NMNAT2: variants seen among roughly 807,000 people sequenced by gnomAD.
NMNAT2 encodes nicotinamide nucleotide adenylyltransferase 2, also known as nicotinamide/nicotinic acid mononucleotide adenylyltransferase 2.
A neutral mutation model predicts 41.6 loss-of-function variants in NMNAT2; 11 were observed. That is an observed-to-expected ratio of 0.26 (90% confidence interval 0.17 to 0.44). The LOEUF (loss-of-function observed/expected upper bound fraction) is 0.44, where lower values mean the gene tolerates loss of function less well. NMNAT2 is among the 20% of genes least tolerant of loss of function. The probability of loss-of-function intolerance (pLI) is 1.00; values close to 1 mark genes in which losing one functional copy is unlikely to be tolerated. For synonymous variants in NMNAT2, 148 were observed against 151.2 expected, an observed-to-expected ratio of 0.98 and a Z score of 0.16; for missense variants, 288 against 407.7, an observed-to-expected ratio of 0.71 and a Z score of 2.53.
At chr1:183,359,984 A>G (rs1047121686) in intron 1 of NMNAT2, among the ~76,000 whole-genome samples, 1 of 152,168 alleles carries the variant, frequency 6.6e-6, no homozygotes, top group Non-Finnish European at 1.5e-5. Flanking sequence ...AGTGTAAAAC[A>G]TTGGATTTTT....
chr1:183,387,910 A>AG, intron 1 of NMNAT2, among the ~76,000 whole-genome samples: 1 of 152,332 alleles, frequency 6.6e-6, no homozygotes, highest in Non-Finnish European at 1.5e-5. Context: ...GGTGGTCTTA[A>AG]GGTACTAGTG....
chr1:183,266,523 A>T (rs966233707), intron 8 of NMNAT2: 8 of 153,158 alleles, frequency 5.2e-5, no homozygotes, highest in African/African-American at 1.9e-4. Flanking sequence ...GTCGCTTTAC[A>T]AAAGGTGGCA....
At chr1:183,305,870 G>A (rs1163063243) in intron 1 of NMNAT2, among the ~76,000 whole-genome samples, 1 of 151,950 alleles carries the variant, frequency 6.6e-6, no homozygotes, top group Non-Finnish European at 1.5e-5. Flanking sequence ...ACAGGCTTGC[G>A]CCACCATACC....
At chr1:183,369,498 C>T (rs1380782993) in intron 1 of NMNAT2, among the ~76,000 whole-genome samples, 1 of 151,914 alleles carries the variant, frequency 6.6e-6, no homozygotes, top group Non-Finnish European at 1.5e-5. Context: ...AGGATGGTCT[C>T]GATCTCCTGA....
chr1:183,408,997 G>A (rs1249741133), intron 1 of NMNAT2, among the ~76,000 whole-genome samples: 1 of 152,080 alleles, frequency 6.6e-6, no homozygotes, highest in Non-Finnish European at 1.5e-5. Flanking sequence ...TCATCTCAGT[G>A]CTCCATGGAG....
chr1:183,254,908 C>A (rs1317635963), intron 10 of NMNAT2, among the ~76,000 whole-genome samples: 1 of 152,276 alleles, frequency 6.6e-6, no homozygotes, highest in African/African-American at 2.4e-5. Context: ...TGTACAGAAG[C>A]TTTTTAGTTT....
intron 1 of NMNAT2, chr1:183,304,693 C>A: frequency 1.2e-6 from 2 of 1,614,104 alleles, no homozygotes; most frequent in African/African-American, 2.7e-5. Flanking sequence ...AAACACTTCC[C>A]AGAGCCCCTG....
intron 1 of NMNAT2, among the ~76,000 whole-genome samples, chr1:183,318,387 C>T (rs938206485): frequency 2.6e-5 from 4 of 152,264 alleles, no homozygotes; most frequent in Admixed American, 2.0e-4. Flanking sequence ...AGAGGGACTG[C>T]GGAGGTGATG....
chr1:183,312,694 C>G, intron 1 of NMNAT2, among the ~76,000 whole-genome samples: 1 of 152,218 alleles, frequency 6.6e-6, no homozygotes, highest in Non-Finnish European at 1.5e-5. Flanking sequence ...CCAAGTATCC[C>G]TCAGGATATC....
chr1:183,250,104 A>G lies in NMNAT2; in HGVS notation c.*2537T>C, dbSNP rs1457509380. Reference sequence around the variant, plus strand: ...CACGTGGGTCCCATAAATTCCATCCATAACTCCAAGTCCTTAAACAAGCCA... The same window carrying G: ...CACGTGGGTCCCATAAATTCCATCCGTAACTCCAAGTCCTTAAACAAGCCA... On this transcript the variant is annotated 3_prime_UTR_variant, in exon 11 of 11. Transcript: ENST00000287713. 1 of 152,158 alleles carries G rather than the reference A, an allele frequency of 6.6e-6. No individual in the cohort carries two copies. The highest frequency in any genetic ancestry group is 1.5e-5 in the Non-Finnish European group (1 of 68,056). The allele number at this position is 152,158 out of a possible 1,614,324, so 9.4% of individuals were successfully genotyped here.
At chr1:183,336,552 A>G (rs1208497666) in intron 1 of NMNAT2, among the ~76,000 whole-genome samples, 1 of 152,200 alleles carries the variant, frequency 6.6e-6, no homozygotes, top group Non-Finnish European at 1.5e-5. Context: ...AATTAAAAAG[A>G]CTGACATTAC....
chr1:183,402,424 T>A (rs1156997116), intron 1 of NMNAT2, among the ~76,000 whole-genome samples: 1 of 152,284 alleles, frequency 6.6e-6, no homozygotes, highest in Non-Finnish European at 1.5e-5. Context: ...AGAAAGATGT[T>A]GAAATTTTGT....
intron 1 of NMNAT2, among the ~76,000 whole-genome samples, chr1:183,354,386 T>G (rs957180838): frequency 3.3e-5 from 5 of 151,504 alleles, no homozygotes; most frequent in African/African-American, 9.7e-5. Flanking sequence ...TTAATCTTAC[T>G]TGCCTGTGAC....
intron 1 of NMNAT2, among the ~76,000 whole-genome samples, chr1:183,391,411 C>T (rs932361518): frequency 6.6e-6 from 1 of 152,178 alleles, no homozygotes; most frequent in African/African-American, 2.4e-5. Flanking sequence ...CTATAACCTA[C>T]TCTAATGTGC....
At chr1:183,355,792 C>CA (rs1288985733) in intron 1 of NMNAT2, among the ~76,000 whole-genome samples, 1 of 152,196 alleles carries the variant, frequency 6.6e-6, no homozygotes, top group Non-Finnish European at 1.5e-5. Context: ...CTGTACAGGT[C>CA]GTGTTGCTGT....
At chr1:183,263,780 C>A (rs981921236) in intron 8 of NMNAT2, among the ~76,000 whole-genome samples, 5 of 150,538 alleles carry the variant, frequency 3.3e-5, no homozygotes, top group African/African-American at 1.2e-4. Flanking sequence ...TGCACTCCAG[C>A]CTGGGTGACA....
intron 1 of NMNAT2, among the ~76,000 whole-genome samples, chr1:183,377,555 C>A (rs1381522145): frequency 6.6e-6 from 1 of 152,176 alleles, no homozygotes; most frequent in East Asian, 1.9e-4. Flanking sequence ...AGGGTAACAG[C>A]AACATAGACT....
At chr1:183,399,864 C>A (rs1252779846) in intron 1 of NMNAT2, among the ~76,000 whole-genome samples, 1 of 152,090 alleles carries the variant, frequency 6.6e-6, no homozygotes, top group Non-Finnish European at 1.5e-5. Context: ...ATTCAACAGC[C>A]CTTCATGCTA....
At chr1:183,281,519 G>T (rs1328095213) in intron 7 of NMNAT2, among the ~76,000 whole-genome samples, 2 of 152,208 alleles carry the variant, frequency 1.3e-5, no homozygotes, top group Non-Finnish European at 2.9e-5. Flanking sequence ...TATAATATGG[G>T]ACTTTTATGT....
Sources: gnomAD v4.1 joint callset for allele counts (sites outside exome capture counted in the v4.1 genomes callset) on GRCh38, gnomAD v4.1.1 for gene constraint, MANE v1.5 for transcripts, NCBI Gene and HGNC (gene_info 2026-07-23, HGNC 2026-07-21) for gene names.